SEZ6L: variants seen among roughly 807,000 people sequenced by gnomAD.
SEZ6L encodes seizure related 6 homolog like, also known as seizure 6-like protein.
SEZ6L carries 37 observed loss-of-function variants against 106.2 expected under a neutral mutation model. That is an observed-to-expected ratio of 0.35 (90% confidence interval 0.27 to 0.46). The LOEUF is 0.46. Ranked by LOEUF, SEZ6L falls within the 20% of genes least tolerant of loss-of-function variation. The probability of loss-of-function intolerance (pLI) is 1.00; values close to 1 mark genes in which losing one functional copy is unlikely to be tolerated. For synonymous variants in SEZ6L, 541 were observed against 570.4 expected, an observed-to-expected ratio of 0.95 and a Z score of 0.73; for missense variants, 1,172 against 1,332.8, an observed-to-expected ratio of 0.88 and a Z score of 1.88.
At chr22:26,249,135 A>G (rs1305387252) in intron 1 of SEZ6L, among the ~76,000 whole-genome samples, 1 of 152,230 alleles carries the variant, frequency 6.6e-6, no homozygotes, top group Non-Finnish European at 1.5e-5. Context: ...TAATCAGCAT[A>G]TCTATCACCT....
intron 10 of SEZ6L, among the ~76,000 whole-genome samples, chr22:26,344,974 T>C (rs948251614): frequency 6.6e-6 from 1 of 152,178 alleles, no homozygotes; most frequent in Non-Finnish European, 1.5e-5. Context: ...TTAGTAAAGT[T>C]AACAAGGGCC....
chr22:26,275,690 C>T (rs954704255), intron 1 of SEZ6L, among the ~76,000 whole-genome samples: 2 of 152,144 alleles, frequency 1.3e-5, no homozygotes, highest in African/African-American at 2.4e-5. Context: ...GCCAGCACCC[C>T]CACCTCCTAG....
Position 26,365,410 on chromosome 22 carries a change from G to A in SEZ6L, c.2638G>A (p.Glu880Lys), listed in dbSNP as rs1237693810. ...SLACDNPGLP[E>K]NGYQILYKRL... Reference sequence around the variant, plus strand: ...GGCATGTGACAACCCAGGGCTGCCTGAAAATGGATACCAAATCCTGTACAA... The same window carrying A: ...GGCATGTGACAACCCAGGGCTGCCTAAAAATGGATACCAAATCCTGTACAA... Residue 880 changes from glutamate (E) to lysine (K), a missense_variant, in exon 13 of 17, where the codon GAA becomes AAA. Coordinates refer to ENST00000248933, the MANE Select transcript of SEZ6L (RefSeq NM_021115.5). 9 of 1,549,958 alleles carry A rather than the reference G, an allele frequency of 5.8e-6. No individual in the cohort carries two copies. The highest frequency in any genetic ancestry group is 7.0e-6 in the Non-Finnish European group (8 of 1,139,340).
At chr22:26,365,262 A>G in intron 12 of SEZ6L, 110 bp from the exon 13 acceptor site, 1 of 839,550 alleles carries the variant, frequency 1.2e-6, no homozygotes, top group Non-Finnish European at 1.9e-6. Context: ...GTGGGGATGC[A>G]GAGAGAGGAT....
intron 1 of SEZ6L, among the ~76,000 whole-genome samples, chr22:26,274,228 G>T (rs1028016589): frequency 6.6e-6 from 1 of 152,192 alleles, no homozygotes; most frequent in African/African-American, 2.4e-5. Flanking sequence ...TCCCAGAGAT[G>T]TTGAGAGGAG....
intron 1 of SEZ6L, among the ~76,000 whole-genome samples, chr22:26,284,868 C>T (rs571883913): frequency 1.3e-5 from 2 of 152,100 alleles, no homozygotes; most frequent in Admixed American, 6.5e-5. Context: ...AGTTTTCTCT[C>T]TATGATCTTG....
At chr22:26,298,531 G>A (rs1038373704) in intron 4 of SEZ6L, among the ~76,000 whole-genome samples, 7 of 152,146 alleles carry the variant, frequency 4.6e-5, no homozygotes. Context: ...CTCCTGTCTC[G>A]CAGGCCAGTA....
At chr22:26,348,646 A>AAGAAAAAG (rs1556371589) in intron 11 of SEZ6L, among the ~76,000 whole-genome samples, 48 of 7,686 alleles carry the variant, frequency 6.2e-3, no homozygotes, top group East Asian at 0.015. Context: ...GAAAGAAAGA[A>AAGAAAAAG]AAAGAAAGAA....
chr22:26,281,574 T>C (rs2080771651), intron 1 of SEZ6L, among the ~76,000 whole-genome samples: 1 of 151,968 alleles, frequency 6.6e-6, no homozygotes, highest in South Asian at 2.1e-4. Flanking sequence ...GAGACGGGGT[T>C]TCACCGTGTT....
intron 12 of SEZ6L, among the ~76,000 whole-genome samples, chr22:26,352,392 C>T (rs1458919945): frequency 5.3e-5 from 8 of 152,086 alleles, no homozygotes; most frequent in African/African-American, 1.9e-4. Flanking sequence ...ACAGTGAGGT[C>T]TTGATAGTGT....
At chr22:26,183,196 G>A (rs572775988) in intron 1 of SEZ6L, among the ~76,000 whole-genome samples, 1 of 152,348 alleles carries the variant, frequency 6.6e-6, no homozygotes, top group Admixed American at 6.5e-5. Context: ...CAGTGCTGGA[G>A]TTGTGACTCT....
chr22:26,197,907 T>G (rs750791676), intron 1 of SEZ6L, among the ~76,000 whole-genome samples: 4 of 152,146 alleles, frequency 2.6e-5, no homozygotes, highest in Non-Finnish European at 5.9e-5. Flanking sequence ...GGGCAATCTG[T>G]GTAGCTTCCT....
At position 26,271,297 on chromosome 22, in the gene SEZ6L, T is replaced by C. The variant is rs566334905; in HGVS notation, c.95-21109T>C. Among the ~76,000 whole-genome samples the C allele has an allele frequency of 4.6e-4, 70 of 152,344 alleles. No individual in the cohort carries two copies. In the South Asian group the frequency reaches 7.0e-3, roughly 15 times the overall value. ...GATTCTTCATCAAAATCAGAACATT[T>C]GCACTAAGTCTTTGTTAGTATCTAT... On this transcript the variant is annotated intron_variant, in intron 1 of 16. Transcript: ENST00000248933.
At position 26,187,049 on chromosome 22, in the gene SEZ6L, C is replaced by T. The variant is rs554692316; in HGVS notation, c.94+17286C>T. 2.3e-4 allele frequency among the ~76,000 whole-genome samples: 35 copies of T among 152,264 alleles called. No individual in the cohort carries two copies. In the East Asian group the frequency reaches 4.4e-3, roughly 19 times the overall value. On this transcript the variant is annotated intron_variant, in intron 1 of 16. Transcript: ENST00000248933. ...AGGGTCACCTCTTCTAGCCTCTCCG[C>T]TAAGGTTAGGGACAATTTGTGTATT...
At chr22:26,257,203 T>C (rs1448222677) in intron 1 of SEZ6L, among the ~76,000 whole-genome samples, 2 of 152,186 alleles carry the variant, frequency 1.3e-5, no homozygotes, top group South Asian at 2.1e-4. Context: ...CAAACTTCAA[T>C]TGTATTGAGG....
At chr22:26,371,079 T>C (rs991968398) in intron 13 of SEZ6L, among the ~76,000 whole-genome samples, 10 of 151,528 alleles carry the variant, frequency 6.6e-5, no homozygotes, top group African/African-American at 2.2e-4. Context: ...ACAAAAGTAG[T>C]GCCATGTTAT....
chr22:26,316,397 G>A (rs1268554851), intron 9 of SEZ6L, among the ~76,000 whole-genome samples: 5 of 152,218 alleles, frequency 3.3e-5, no homozygotes, highest in African/African-American at 1.2e-4. Context: ...TAGCAGGTGA[G>A]GCAGGTAAGA....
chr22:26,294,340 G>T lies in SEZ6L; in HGVS notation c.884G>T (p.Ser295Ile). The T allele has an allele frequency of 6.2e-7, 1 of 1,614,100 alleles. No individual in the cohort carries two copies. Among genetic ancestry groups the T allele is most frequent in the Non-Finnish European group, 8.5e-7 (1 of 1,180,010 alleles). The change falls in exon 3 of 17, where the codon AGC becomes ATC. Residue 295 changes from serine (S) to isoleucine (I), a missense_variant. Around this residue, in one of 4 missense-constraint regions of SEZ6L, gnomAD observed 494 missense variants for 445.8 expected, o/e 1.11. Coordinates refer to ENST00000248933, the MANE Select transcript of SEZ6L (RefSeq NM_021115.5). ...AATCCTGAGGGGTACATTGACTCCA[G>T]CGACTACCCACTGCTGCCCCTCAAC... Reference protein sequence around the residue: ...FSNPEGYIDSSDYPLLPLNNF... With the variant: ...FSNPEGYIDSIDYPLLPLNNF...
In SEZ6L at chr22:26,297,027, A is replaced by G. The variant is rs755803132; in HGVS notation, c.1109A>G (p.Tyr370Cys). 6.2e-7 allele frequency: 1 copy of G among 1,614,054 alleles called. No individual in the cohort carries two copies. Among genetic ancestry groups the G allele is most frequent in the Admixed American group, 1.7e-5 (1 of 60,026 alleles). The part of the protein sequence containing the change: ...IRSPTNTISV[Y>C]FRTFQDDGLG... ...AGCCCCACCAACACCATCTCCGTCT[A>G]CTTCCGGACCTTCCAGGACGACGGC... The change falls in exon 4 of 17, where the codon TAC (tyrosine) becomes TGC (cysteine). Residue 370 changes from tyrosine to cysteine, a missense_variant. By Grantham distance (194) the Tyr-to-Cys change is radical (BLOSUM62 -2). Coordinates refer to ENST00000248933, the MANE Select transcript of SEZ6L (RefSeq NM_021115.5).
Sources: gnomAD v4.1 joint callset for allele counts (sites outside exome capture counted in the v4.1 genomes callset) on GRCh38, gnomAD v4.1.1 for gene constraint, gnomAD v4.1.1 regional missense constraint, MANE v1.5 for transcripts, NCBI Gene and HGNC (gene_info 2026-07-23, HGNC 2026-07-21) for gene names.